Variants in CCDC178 observed in about 807,000 individuals in gnomAD.
CCDC178 encodes the protein coiled-coil domain containing 178, also known as coiled-coil domain-containing protein 178.
In CCDC178, 126 loss-of-function variants were observed where a neutral mutation model predicts 117.4. The ratio of observed to expected loss-of-function variants is 1.07; its 90% CI spans 0.93 to 1.24. The LOEUF (loss-of-function observed/expected upper bound fraction) is 1.24, where lower values mean the gene tolerates loss of function less well. CCDC178 is among the 50% of genes most tolerant of loss of function. The pLI is 0.00. For synonymous variants in CCDC178, 283 were observed against 313.4 expected, an observed-to-expected ratio of 0.90 and a Z score of 1.02; for missense variants, 1,030 against 986.9, an observed-to-expected ratio of 1.04 and a Z score of -0.59.
At chr18:33,073,151 A>G (rs2057139208) in intron 21 of CCDC178, among the ~76,000 whole-genome samples, 1 of 151,630 alleles carries the variant, frequency 6.6e-6, no homozygotes, top group African/African-American at 2.4e-5. Context: ...ATCATAAAAT[A>G]AATATAATAA....
chr18:33,283,398 A>G (rs576162509), intron 12 of CCDC178, among the ~76,000 whole-genome samples: 1 of 152,368 alleles, frequency 6.6e-6, no homozygotes, highest in Non-Finnish European at 1.5e-5. Flanking sequence ...AGCAATTGCC[A>G]CAAAACTAAA....
At chr18:33,262,649 C>T (rs2144752520) in intron 14 of CCDC178, among the ~76,000 whole-genome samples, 1 of 152,228 alleles carries the variant, frequency 6.6e-6, no homozygotes, top group Non-Finnish European at 1.5e-5. Context: ...CACACACATA[C>T]ACACCCAGAC....
intron 21 of CCDC178, among the ~76,000 whole-genome samples, chr18:33,068,674 A>T (rs1280055922): frequency 6.6e-6 from 1 of 152,176 alleles, no homozygotes; most frequent in East Asian, 1.9e-4. Flanking sequence ...TTATTTCAAC[A>T]TAATAAAGAC....
intron 15 of CCDC178, among the ~76,000 whole-genome samples, chr18:33,234,125 T>C (rs1395116912): frequency 6.6e-6 from 1 of 152,178 alleles, no homozygotes; most frequent in Non-Finnish European, 1.5e-5. Flanking sequence ...GCTTTATTTC[T>C]ATCACATTTT....
At chr18:33,037,656 ACT>A (rs2056469888) in intron 21 of CCDC178, among the ~76,000 whole-genome samples, 1 of 151,772 alleles carries the variant, frequency 6.6e-6, no homozygotes. Flanking sequence ...ATATATGTAA[ACT>A]CTCTTGGATA....
chr18:33,016,476 T>C (rs113847224), intron 21 of CCDC178, among the ~76,000 whole-genome samples: 1,659 of 152,146 alleles, frequency 0.011, 32 homozygotes, highest in African/African-American at 0.037. Flanking sequence ...CAGATAGATA[T>C]AAATTGCCAT....
intron 14 of CCDC178, among the ~76,000 whole-genome samples, chr18:33,255,748 T>G (rs1464983554): frequency 6.6e-6 from 1 of 151,922 alleles, no homozygotes; most frequent in Non-Finnish European, 1.5e-5. Context: ...AGGCAAAATT[T>G]CTGGGACAGG....
chr18:33,108,302 A>G (rs1171895361), intron 20 of CCDC178, among the ~76,000 whole-genome samples: 1 of 142,606 alleles, frequency 7.0e-6, no homozygotes, highest in Admixed American at 6.9e-5. Flanking sequence ...TGTTTTTCAA[A>G]TCTATTAAAA....
intron 21 of CCDC178, among the ~76,000 whole-genome samples, chr18:32,979,740 A>G (rs1201013921): frequency 6.6e-6 from 1 of 152,196 alleles, no homozygotes; most frequent in East Asian, 1.9e-4. Flanking sequence ...ACATGGAAGA[A>G]TAAAGGACTG....
At chr18:33,105,591 T>G (rs898768161) in intron 20 of CCDC178, among the ~76,000 whole-genome samples, 1 of 151,660 alleles carries the variant, frequency 6.6e-6, no homozygotes, top group Non-Finnish European at 1.5e-5. Context: ...GGTATTTTGT[T>G]TGTGTGTGTG....
At chr18:33,058,426 T>G (rs946663251) in intron 21 of CCDC178, among the ~76,000 whole-genome samples, 4 of 152,174 alleles carry the variant, frequency 2.6e-5, no homozygotes, top group Admixed American at 1.3e-4. Flanking sequence ...GCATCCTCAA[T>G]GGCCATAGTC....
In CCDC178 at chr18:33,393,953, C is replaced by G. The variant is rs146755420; in HGVS notation, c.118+3196G>C. On this transcript the variant is annotated intron_variant, in intron 4 of 22. Transcript: ENST00000383096. ...TCAGGACAGAGAGATTCCTTACCAA[C>G]TTTAAACCATACTTCAAATTCAACT... is the stretch of plus-strand genomic sequence containing the variant. Among the ~76,000 whole-genome samples the G allele has an allele frequency of 3.3e-5, 5 of 152,110 alleles. No individual in the cohort carries two copies. In the East Asian group the frequency reaches 9.6e-4, roughly 29 times the overall value.
rs117646821 is a variant in CCDC178, at chr18:33,061,464, G to A, written c.2388+31297C>T. ...GAGTATATTTTGATGTTGACAGAAT[G>A]GAGGGAATCTAAAAACCAATTTCTG... On this transcript the variant is annotated intron_variant, in intron 21 of 22. Coordinates refer to ENST00000383096, the MANE Select transcript of CCDC178 (RefSeq NM_001105528.4). Among the ~76,000 whole-genome samples, 184 of 152,208 alleles carry A rather than the reference G, an allele frequency of 1.2e-3. 5 individuals carry two copies. In the East Asian group the frequency reaches 0.032, roughly 27 times the overall value.
chr18:33,394,223 T>A (rs1037571319), intron 4 of CCDC178, among the ~76,000 whole-genome samples: 2 of 151,958 alleles, frequency 1.3e-5, no homozygotes, highest in African/African-American at 4.8e-5. Context: ...ATGAAAAAAA[T>A]CTCAAAGTGA....
rs111645576 is a variant in CCDC178 at position 32,969,010 on chromosome 18, A to C, written c.2523+5537T>G. ...TGCTATCAGAATTCCTGGCAAAGCA[A>C]CCAGTGAATGCTTTTGTTTATTAAG... On this transcript the variant is annotated intron_variant, in intron 22 of 22. Coordinates refer to ENST00000383096, the MANE Select transcript of CCDC178 (RefSeq NM_001105528.4). 2.6e-3 allele frequency among the ~76,000 whole-genome samples: 403 copies of C among 152,128 alleles called. 2 individuals are homozygous for C. Among genetic ancestry groups the C allele is most frequent in the African/African-American group, 8.4e-3 (347 of 41,518 alleles).
At chr18:33,148,470 G>C (rs2058300569) in intron 20 of CCDC178, among the ~76,000 whole-genome samples, 1 of 151,610 alleles carries the variant, frequency 6.6e-6, no homozygotes. Flanking sequence ...AGACCGTGGG[G>C]AGAGGGGGAG....
chr18:32,956,398 C>G (rs915049579), intron 22 of CCDC178, among the ~76,000 whole-genome samples: 2 of 152,070 alleles, frequency 1.3e-5, no homozygotes, highest in Non-Finnish European at 2.9e-5. Flanking sequence ...ATTATACAAC[C>G]ACTTAGTTTA....
intron 20 of CCDC178, among the ~76,000 whole-genome samples, chr18:33,179,772 T>C (rs982574389): frequency 6.6e-6 from 1 of 152,028 alleles, no homozygotes; most frequent in African/African-American, 2.4e-5. Flanking sequence ...GCAGATAGCA[T>C]ATGCAAATCT....
At chr18:33,421,038 C>A (rs1450676199) in intron 2 of CCDC178, among the ~76,000 whole-genome samples, 1 of 152,096 alleles carries the variant, frequency 6.6e-6, no homozygotes, top group Non-Finnish European at 1.5e-5. Context: ...GGGAGGGAGT[C>A]TATTTTAGAC....
Sources: allele counts gnomAD v4.1 joint callset (sites outside exome capture counted in the v4.1 genomes callset), GRCh38; gene constraint gnomAD v4.1.1; transcripts MANE v1.5; gene names NCBI Gene and HGNC (gene_info 2026-07-23, HGNC 2026-07-21).